Variants in SORCS3 observed in about 807,000 individuals in gnomAD.
The protein encoded by SORCS3 is sortilin related VPS10 domain containing receptor 3, also known as VPS10 domain-containing receptor SorCS3.
SORCS3 carries 57 observed loss-of-function variants against 146.3 expected under a neutral mutation model. The observed-to-expected ratio is 0.39, with a 90% CI of 0.31 to 0.49. SORCS3 has a LOEUF of 0.49. Ranked by LOEUF, SORCS3 falls within the 20% of genes least tolerant of loss-of-function variation. The pLI is 0.92. For missense variants in SORCS3, 1,341 were observed against 1,575.5 expected, an observed-to-expected ratio of 0.85 and a Z score of 2.52; for synonymous variants, 653 against 618.5, an observed-to-expected ratio of 1.06 and a Z score of -0.83.
intron 1 of SORCS3, among the ~76,000 whole-genome samples, chr10:104,671,285 T>A (rs1396199839): frequency 1.3e-5 from 2 of 150,060 alleles, no homozygotes; most frequent in Admixed American, 1.3e-4. Flanking sequence ...TGTTTTTTTT[T>A]ATATGGCTCC....
chr10:104,824,224 T>G lies in SORCS3; in HGVS notation c.628-18568T>G, dbSNP rs532380028. 1.6e-3 allele frequency among the ~76,000 whole-genome samples: 249 copies of G among 152,354 alleles called. 1 individual carries two copies. Among genetic ancestry groups the G allele is most frequent in the Middle Eastern group, 0.01 (3 of 294 alleles). The stretch of plus-strand genomic sequence containing the variant: ...AGCAATAGAAAATTTACACACCTGG[T>G]ATTTAAAACCACTGTTATTTGGCCC... On this transcript the variant is annotated intron_variant, in intron 1 of 26. Coordinates refer to ENST00000369701, the MANE Select transcript of SORCS3 (RefSeq NM_014978.3).
At chr10:105,199,120 G>A (rs2119611095) in intron 14 of SORCS3, among the ~76,000 whole-genome samples, 1 of 152,204 alleles carries the variant, frequency 6.6e-6, no homozygotes, top group Admixed American at 6.5e-5. Flanking sequence ...AAAGACCTCA[G>A]TTGTTTTAAG....
chr10:105,034,111 T>C (rs1589602872), intron 4 of SORCS3, among the ~76,000 whole-genome samples: 1 of 152,142 alleles, frequency 6.6e-6, no homozygotes, highest in East Asian at 1.9e-4. Context: ...CATGTTTTCA[T>C]GCTTTGATGA....
intron 1 of SORCS3, among the ~76,000 whole-genome samples, chr10:104,691,385 C>A (rs1334609): frequency 0.98 from 148,943 of 152,340 alleles, 72,906 homozygotes; most frequent in East Asian, 1. Flanking sequence ...AAGAGACAGA[C>A]ATAGAGAAGT....
intron 1 of SORCS3, among the ~76,000 whole-genome samples, chr10:104,720,439 G>A (rs918411254): frequency 3.3e-5 from 5 of 152,278 alleles, no homozygotes; most frequent in South Asian, 2.1e-4. Flanking sequence ...ATAAACATAA[G>A]TGTGCATGTG....
rs192272926 is a variant in SORCS3 at position 105,196,514 on chromosome 10, A to G, written c.2010-3485A>G. Among the ~76,000 whole-genome samples, 16 of 152,326 alleles carry G rather than the reference A, an allele frequency of 1.1e-4. No individual in the cohort carries two copies. The East Asian group carries it at 2.9e-3, about 28-fold the overall frequency. ...CAGCTACTGGGTAGGCTGAGGCAGG[A>G]GAATTGCTCGGACCAGGGAGGTGGA... is the stretch of plus-strand genomic sequence containing the variant. On this transcript the variant is annotated intron_variant, in intron 14 of 26. Transcript: ENST00000369701.
intron 5 of SORCS3, among the ~76,000 whole-genome samples, chr10:105,087,777 C>A (rs1444489206): frequency 1.3e-5 from 2 of 152,208 alleles, no homozygotes; most frequent in East Asian, 3.8e-4. Context: ...TTAGCAATTG[C>A]ATACATGATT....
chr10:105,112,157 T>C (rs1003243861), intron 7 of SORCS3, among the ~76,000 whole-genome samples: 1 of 152,230 alleles, frequency 6.6e-6, no homozygotes, highest in Non-Finnish European at 1.5e-5. Context: ...TATCCCTTTA[T>C]GCTTTGCCAT....
At chr10:105,123,259 C>T (rs530116483) in intron 7 of SORCS3, among the ~76,000 whole-genome samples, 36 of 152,298 alleles carry the variant, frequency 2.4e-4, no homozygotes, top group African/African-American at 7.7e-4. Flanking sequence ...TTCAAAGCAG[C>T]GGACTGTATG....
At chr10:104,679,426 T>C (rs2015946780) in intron 1 of SORCS3, among the ~76,000 whole-genome samples, 1 of 152,204 alleles carries the variant, frequency 6.6e-6, no homozygotes, top group Non-Finnish European at 1.5e-5. Flanking sequence ...GTTACTTGTC[T>C]CATAACACTG....
At chr10:105,086,630 T>A (rs1164330688) in intron 5 of SORCS3, among the ~76,000 whole-genome samples, 1 of 152,218 alleles carries the variant, frequency 6.6e-6, no homozygotes, top group Non-Finnish European at 1.5e-5. Flanking sequence ...TTCTTTTTAG[T>A]ATAGCATAGT....
chr10:104,765,447 A>C (rs1337436368), intron 1 of SORCS3, among the ~76,000 whole-genome samples: 1 of 152,120 alleles, frequency 6.6e-6, no homozygotes, highest in Admixed American at 6.5e-5. Context: ...GTAAAATGGG[A>C]GGTAATTATT....
chr10:104,926,313 GTTAA>G (rs1452825947), intron 3 of SORCS3, among the ~76,000 whole-genome samples: 2 of 152,148 alleles, frequency 1.3e-5, no homozygotes, highest in African/African-American at 4.8e-5. Flanking sequence ...TCCCACTTTT[GTTAA>G]TTCACAGCCA....
At chr10:105,133,184 T>C (rs570827107) in intron 7 of SORCS3, among the ~76,000 whole-genome samples, 32 of 152,328 alleles carry the variant, frequency 2.1e-4, no homozygotes, top group Admixed American at 5.2e-4. Flanking sequence ...GGGTGTGTGA[T>C]GTATTTGAAA....
chr10:104,982,967 G>C (rs537285851), intron 4 of SORCS3, among the ~76,000 whole-genome samples: 2 of 152,112 alleles, frequency 1.3e-5, no homozygotes, highest in African/African-American at 4.8e-5. Context: ...ATGTGGCTCT[G>C]GTGGCCTGTG....
At chr10:104,676,476 A>G (rs1421030008) in intron 1 of SORCS3, among the ~76,000 whole-genome samples, 7 of 152,254 alleles carry the variant, frequency 4.6e-5, no homozygotes, top group Non-Finnish European at 7.3e-5. Context: ...GGGTAAGAAC[A>G]AGAGAAGCAA....
At chr10:104,735,244 T>G (rs1589478218) in intron 1 of SORCS3, among the ~76,000 whole-genome samples, 1 of 152,278 alleles carries the variant, frequency 6.6e-6, no homozygotes, top group Non-Finnish European at 1.5e-5. Context: ...TTGGCACTTA[T>G]GCCAGCCATT....
chr10:105,071,026 G>C (rs910015464), intron 5 of SORCS3, among the ~76,000 whole-genome samples: 9 of 152,192 alleles, frequency 5.9e-5, no homozygotes, highest in African/African-American at 1.9e-4. Flanking sequence ...GTCCAGTCCA[G>C]TTGGGATGAG....
intron 9 of SORCS3, among the ~76,000 whole-genome samples, chr10:105,152,939 AT>A (rs3070108): frequency 5.3e-5 from 8 of 150,936 alleles, no homozygotes; most frequent in South Asian, 2.1e-4. Flanking sequence ...CTCACTATTA[AT>A]TTTTTTTTGC....
Sources: allele counts gnomAD v4.1 joint callset (sites outside exome capture counted in the v4.1 genomes callset), GRCh38; gene constraint gnomAD v4.1.1; transcripts MANE v1.5; gene names NCBI Gene and HGNC (gene_info 2026-07-23, HGNC 2026-07-21).